The following YARS1 variants were observed in gnomAD, a reference collection of about 807,000 sequenced individuals.
YARS1 encodes the protein tyrosine--tRNA ligase, cytoplasmic.
Under a neutral mutation model 62.2 loss-of-function variants are expected in YARS1, and 36 were observed. The observed-to-expected ratio is 0.58, with a 90% CI of 0.44 to 0.76. The LOEUF (loss-of-function observed/expected upper bound fraction) is 0.76, where lower values mean the gene tolerates loss of function less well. Among genes scored for constraint, YARS1 ranks in the 30% least tolerant of loss-of-function variants. The pLI, the probability that YARS1 is intolerant of heterozygous loss-of-function variation, is 0.00. For synonymous variants in YARS1, 234 were observed against 244.9 expected (o/e 0.96, Z 0.42); for missense variants, 524 against 639.8 (o/e 0.82, Z 1.95).
chr1:32,816,186 CT>C (rs1238977906), intron 1 of YARS1, among the ~76,000 whole-genome samples: 1 of 150,882 alleles, frequency 6.6e-6, no homozygotes, highest in Non-Finnish European at 1.5e-5. Context: ...GAATTGTGCA[CT>C]TTAAAAGGGT....
rs962224449 is a variant in YARS1 at position 32,792,609 on chromosome 1, A to C, written c.592-1355T>G. On this transcript the variant is annotated intron_variant, in intron 5 of 12. Coordinates refer to ENST00000373477, the MANE Select transcript of YARS1 (RefSeq NM_003680.4). The stretch of plus-strand genomic sequence containing the variant: ...TGTGATTGGTAGGTTAAAGAAAATA[A>C]GCAGGGCATGGTGGCTCATGCCTGT... Among the ~76,000 whole-genome samples, 3 of 152,162 alleles carry C rather than the reference A, an allele frequency of 2.0e-5. No individual in the cohort carries two copies. In the South Asian group the frequency reaches 6.2e-4, roughly 32 times the overall value.
intron 11 of YARS1, 153 bp downstream of exon 11, chr1:32,779,929 CGAT>C: frequency 1.2e-6 from 1 of 834,138 alleles, no homozygotes; most frequent in East Asian, 2.5e-5. Context: ...AGTACTTGTA[CGAT>C]AAGTCCTTCA....
chr1:32,815,402 T>A (rs1259988254), intron 1 of YARS1, among the ~76,000 whole-genome samples: 1 of 152,168 alleles, frequency 6.6e-6, no homozygotes, highest in Non-Finnish European at 1.5e-5. Context: ...CTAATAGTTT[T>A]GTGTATTTTT....
intron 8 of YARS1, 43 bp from the exon 9 acceptor site, chr1:32,782,582 G>A (rs1267504760): frequency 4.3e-6 from 7 of 1,613,482 alleles, no homozygotes; most frequent in Non-Finnish European, 5.9e-6. Flanking sequence ...GTCTAGAACA[G>A]GGCACAGGAC....
chr1:32,798,237 T>A (rs1653666564), intron 4 of YARS1: 1 of 231,090 alleles, frequency 4.3e-6, no homozygotes, highest in Admixed American at 5.2e-5. Flanking sequence ...ATTACTAGAT[T>A]TTTCAGAAGG....
At chr1:32,793,391 C>T (rs111690225) in intron 5 of YARS1, among the ~76,000 whole-genome samples, 2 of 152,148 alleles carry the variant, frequency 1.3e-5, no homozygotes, top group Admixed American at 6.5e-5. Flanking sequence ...ACCTGTAATC[C>T]TAGCAATTTG....
intron 5 of YARS1, among the ~76,000 whole-genome samples, chr1:32,795,415 G>A (rs1278114674): frequency 1.3e-5 from 2 of 152,196 alleles, no homozygotes; most frequent in Non-Finnish European, 2.9e-5. Context: ...TTGGGCAGTG[G>A]TAAAAATATC....
chr1:32,787,287 G>A (rs1653261400), intron 6 of YARS1, among the ~76,000 whole-genome samples: 1 of 151,954 alleles, frequency 6.6e-6, no homozygotes, highest in Admixed American at 6.6e-5. Context: ...GTGTCACCAT[G>A]CCCAGGTAAT....
intron 9 of YARS1, 169 bp downstream of exon 9, chr1:32,782,235 C>T (rs995687107): frequency 1.1e-5 from 13 of 1,143,528 alleles, no homozygotes; most frequent in Non-Finnish European, 1.5e-5. Flanking sequence ...GTTAACCAAA[C>T]CCAAATCAAA....
chr1:32,804,631 G>A lies in YARS1; in HGVS notation c.510+1851C>T, dbSNP rs181836825. 9.2e-3 allele frequency among the ~76,000 whole-genome samples: 1,393 copies of A among 151,676 alleles called. 28 individuals carry two copies. The highest frequency in any genetic ancestry group is 0.032 in the African/African-American group (1,317 of 41,416). On this transcript the variant is annotated intron_variant, in intron 4 of 12. Transcript: ENST00000373477. ...GGACAGAGGCGCTCCTCACATCCCA[G>A]ACGGGGCGGCGGGGCAGAGGTGCTC...
intron 5 of YARS1, 61 bp downstream of exon 5, chr1:32,797,702 A>G (rs1379679023): frequency 2.1e-6 from 3 of 1,430,456 alleles, no homozygotes; most frequent in Non-Finnish European, 3.0e-6. Flanking sequence ...TCATAGTTCA[A>G]TAAACACAGC....
At chr1:32,786,480 A>C in intron 7 of YARS1, 33 bp from the exon 8 acceptor site, 10 of 1,564,074 alleles carry the variant, frequency 6.4e-6, no homozygotes, top group Non-Finnish European at 8.8e-6. Context: ...CAACAAACTC[A>C]TTGACAGCAT....
intron 12 of YARS1, among the ~76,000 whole-genome samples, chr1:32,777,240 G>A (rs1652897573): frequency 1.3e-5 from 2 of 151,912 alleles, no homozygotes; most frequent in South Asian, 4.2e-4. Flanking sequence ...TGTTGGTCAG[G>A]CTGGTCTCGA....
At chr1:32,807,537 G>A (rs1638491031) in intron 3 of YARS1, among the ~76,000 whole-genome samples, 1 of 151,808 alleles carries the variant, frequency 6.6e-6, no homozygotes, top group Admixed American at 6.6e-5. Flanking sequence ...GCTCATTGCA[G>A]CCTCAATCTC....
At chr1:32,798,910 G>A (rs949283743) in intron 4 of YARS1, among the ~76,000 whole-genome samples, 18 of 152,196 alleles carry the variant, frequency 1.2e-4, no homozygotes, top group African/African-American at 4.1e-4. Flanking sequence ...CGTGGATGGT[G>A]AGATAAATCA....
At chr1:32,791,965 A>C (rs2148606841) in intron 5 of YARS1, among the ~76,000 whole-genome samples, 1 of 152,242 alleles carries the variant, frequency 6.6e-6, no homozygotes, top group Admixed American at 6.5e-5. Flanking sequence ...CCAAGCAGAC[A>C]GCGAAAGACT....
At chr1:32,777,770 C>T (rs1652915625) in intron 12 of YARS1, among the ~76,000 whole-genome samples, 1 of 152,116 alleles carries the variant, frequency 6.6e-6, no homozygotes, top group Non-Finnish European at 1.5e-5. Flanking sequence ...CACTGGAATC[C>T]AGCTTGGGTG....
chr1:32,804,758 C>T (rs1040537748), intron 4 of YARS1, among the ~76,000 whole-genome samples: 2 of 150,374 alleles, frequency 1.3e-5, no homozygotes, highest in Non-Finnish European at 3.0e-5. Flanking sequence ...ACTGGGCGGC[C>T]GGGCAGAGGG....
rs920639807 is a variant in YARS1 at position 32,794,708 on chromosome 1, G to A, written c.591+3055C>T. Among the ~76,000 whole-genome samples the A allele has an allele frequency of 2.0e-5, 3 of 149,710 alleles. No homozygotes were observed. In the Admixed American group the frequency reaches 2.0e-4, roughly 10 times the overall value. On this transcript the variant is annotated intron_variant, in intron 5 of 12. Transcript: ENST00000373477. ...CCCAGCCAAGGGATTTAAAATTTAT[G>A]TCAAAAATGAGTTTTGAGGCTGGGT...
Sources: gnomAD v4.1 joint callset for allele counts (sites outside exome capture counted in the v4.1 genomes callset) on GRCh38, gnomAD v4.1.1 for gene constraint, MANE v1.5 for transcripts, NCBI Gene and HGNC (gene_info 2026-07-23, HGNC 2026-07-21) for gene names.